CLVS1: variants seen among roughly 807,000 people sequenced by gnomAD.
CLVS1 encodes clavesin-1.
Under a neutral mutation model 33.1 loss-of-function variants are expected in CLVS1, and 10 were observed. The ratio of observed to expected loss-of-function variants is 0.30; its 90% CI spans 0.19 to 0.51. CLVS1 has a LOEUF of 0.51. Ranked by LOEUF, CLVS1 falls within the 20% of genes least tolerant of loss-of-function variation. The pLI is 0.97. For synonymous variants in CLVS1, 163 were observed against 166.1 expected, an observed-to-expected ratio of 0.98 and a Z score of 0.14; for missense variants, 343 against 433.4, an observed-to-expected ratio of 0.79 and a Z score of 1.85.
chr8:61,487,151 G>C (rs1237604707), intron 5 of CLVS1, among the ~76,000 whole-genome samples: 1 of 152,146 alleles, frequency 6.6e-6, no homozygotes, highest in African/African-American at 2.4e-5. Flanking sequence ...CTCTGCCCCT[G>C]CTGAGGGCCC....
At chr8:61,240,660 T>C (rs1808679410) in intron 2 of CLVS1, among the ~76,000 whole-genome samples, 1 of 152,226 alleles carries the variant, frequency 6.6e-6, no homozygotes. Flanking sequence ...ATTCCAATGG[T>C]AAATGTGTTG....
intron 2 of CLVS1, among the ~76,000 whole-genome samples, chr8:61,159,479 GA>G (rs915699270): frequency 6.6e-6 from 1 of 152,200 alleles, no homozygotes; most frequent in African/African-American, 2.4e-5. Context: ...ATATGGGGGA[GA>G]TGTACTCCTT....
At chr8:61,035,996 T>C in the CLVS1 span, among the ~76,000 whole-genome samples, 1 of 152,164 alleles carries the variant, frequency 6.6e-6, no homozygotes, top group Non-Finnish European at 1.5e-5. Context: ...CTTTCTTTCC[T>C]ATAGCTTCTT....
intron 2 of CLVS1, among the ~76,000 whole-genome samples, chr8:61,361,485 G>A (rs780386952): frequency 2.0e-5 from 3 of 152,168 alleles, no homozygotes; most frequent in Non-Finnish European, 4.4e-5. Context: ...AAGCCTTTTA[G>A]AGACTTACTT....
At chr8:61,083,493 A>G (rs952549865) in intron 1 of CLVS1, among the ~76,000 whole-genome samples, 1 of 152,148 alleles carries the variant, frequency 6.6e-6, no homozygotes, top group Non-Finnish European at 1.5e-5. Context: ...AGGCAGGGAG[A>G]ACACAAAGAC....
intron 2 of CLVS1, among the ~76,000 whole-genome samples, chr8:61,221,942 T>C (rs1808227007): frequency 6.6e-6 from 1 of 152,206 alleles, no homozygotes; most frequent in Non-Finnish European, 1.5e-5. Flanking sequence ...AATTTATCCA[T>C]TTCTTCTAGG....
rs75004349 is a variant in CLVS1, at chr8:61,496,487, C to T, written c.978-2968C>T. On this transcript the variant is annotated intron_variant, in intron 5 of 5. Transcript: ENST00000325897. ...CTCCCTTCCCCACATGCACACTGGG[C>T]CTTAAACTAAAACAAAGAGAAAAAT... 2.5e-3 allele frequency among the ~76,000 whole-genome samples: 381 copies of T among 152,218 alleles called. 3 individuals are homozygous for T. Among genetic ancestry groups the T allele is most frequent in the African/African-American group, 8.9e-3 (369 of 41,530 alleles).
intron 2 of CLVS1, among the ~76,000 whole-genome samples, chr8:61,332,627 G>C (rs4738882): frequency 0.48 from 72,801 of 151,932 alleles, 18,212 homozygotes; most frequent in East Asian, 0.82. Flanking sequence ...ATGAAGAGGA[G>C]ATAAACTCAC....
At chr8:60,996,903 A>G in the CLVS1 span, among the ~76,000 whole-genome samples, 24,234 of 152,008 alleles carry the variant, frequency 0.16, 2,154 homozygotes, top group African/African-American at 0.23. Flanking sequence ...GAGGCACACC[A>G]CTGAGGCAAG....
At chr8:61,152,368 G>A (rs1444577737) in intron 2 of CLVS1, among the ~76,000 whole-genome samples, 3 of 152,118 alleles carry the variant, frequency 2.0e-5, no homozygotes, top group Admixed American at 6.5e-5. Flanking sequence ...GTCTCAGCCC[G>A]TTTGTACTGC....
chr8:61,216,810 C>A (rs1247333437), intron 2 of CLVS1, among the ~76,000 whole-genome samples: 2 of 152,150 alleles, frequency 1.3e-5, no homozygotes, highest in African/African-American at 4.8e-5. Context: ...CAGATAGTTT[C>A]TGACCATGTG....
chr8:61,444,946 T>C (rs1265636817), intron 3 of CLVS1, among the ~76,000 whole-genome samples: 1 of 152,124 alleles, frequency 6.6e-6, no homozygotes, highest in Non-Finnish European at 1.5e-5. Context: ...GCTAGATTGG[T>C]CAGTTTGCAT....
chr8:61,377,305 G>T (rs999528092), intron 3 of CLVS1: 1 of 152,194 alleles, frequency 6.6e-6, no homozygotes, highest in Non-Finnish European at 1.5e-5. Context: ...GAGGTTTTTG[G>T]GCTACATGGA....
At chr8:61,309,458 C>A (rs1810758035) in intron 2 of CLVS1, among the ~76,000 whole-genome samples, 1 of 152,184 alleles carries the variant, frequency 6.6e-6, no homozygotes, top group South Asian at 2.1e-4. Context: ...ACCCCTCAGG[C>A]ATTAAATGAT....
chr8:61,187,760 A>G (rs892581420), intron 2 of CLVS1, among the ~76,000 whole-genome samples: 1 of 150,196 alleles, frequency 6.7e-6, no homozygotes, highest in East Asian at 1.9e-4. Context: ...TTTTAAACTT[A>G]TAAAATAATT....
intron 3 of CLVS1, among the ~76,000 whole-genome samples, chr8:61,418,406 G>A (rs1314164913): frequency 1.3e-5 from 2 of 151,956 alleles, no homozygotes; most frequent in African/African-American, 4.8e-5. Context: ...AATGAATCAG[G>A]TGCTAACACC....
At chr8:61,475,234 G>A (rs2129607901) in intron 5 of CLVS1, among the ~76,000 whole-genome samples, 1 of 152,296 alleles carries the variant, frequency 6.6e-6, no homozygotes, top group Middle Eastern at 3.4e-3. Context: ...CTTTGCTATT[G>A]TGAATAGTGC....
At chr8:61,135,081 A>G (rs1276702498) in intron 2 of CLVS1, among the ~76,000 whole-genome samples, 1 of 151,864 alleles carries the variant, frequency 6.6e-6, no homozygotes, top group East Asian at 1.9e-4. Flanking sequence ...AAAATCCTAA[A>G]AAGGAGATGG....
intron 2 of CLVS1, among the ~76,000 whole-genome samples, chr8:61,368,703 T>G (rs954776035): frequency 2.0e-5 from 3 of 152,224 alleles, no homozygotes; most frequent in Non-Finnish European, 2.9e-5. Flanking sequence ...TGAAATAATG[T>G]AGCTGGCTCC....
Sources: gnomAD v4.1 joint callset for allele counts (sites outside exome capture counted in the v4.1 genomes callset) on GRCh38, gnomAD v4.1.1 for gene constraint, MANE v1.5 for transcripts, NCBI Gene and HGNC (gene_info 2026-07-23, HGNC 2026-07-21) for gene names.